Variants in F13B observed in about 807,000 individuals in gnomAD.
The protein encoded by F13B is TGase.
Under a neutral mutation model 79.8 loss-of-function variants are expected in F13B, and 58 were observed. The ratio of observed to expected loss-of-function variants is 0.73; its 90% confidence interval spans 0.59 to 0.90. The LOEUF (loss-of-function observed/expected upper bound fraction) is 0.90. Among genes scored for constraint, F13B ranks in the 40% least tolerant of loss-of-function variants. The pLI, the probability that F13B is intolerant of heterozygous loss-of-function variation, is 0.00. For missense variants in F13B, 773 were observed against 777.0 expected (o/e 0.99, Z 0.06); for synonymous variants, 283 against 260.3 (o/e 1.09, Z -0.84).
At chr1:197,057,761 C>T (rs1259128980) in intron 5 of F13B, among the ~76,000 whole-genome samples, 1 of 146,268 alleles carries the variant, frequency 6.8e-6, no homozygotes, top group Non-Finnish European at 1.5e-5. Context: ...CCAAGAGACT[C>T]TCTATCCTTG....
intron 5 of F13B, 146 bp downstream of exon 5, chr1:197,060,220 T>C (rs1176449594): frequency 7.4e-6 from 4 of 540,212 alleles, no homozygotes; most frequent in African/African-American, 1.9e-5. Flanking sequence ...TTGCTGAAAA[T>C]AGCACTGATT....
chr1:197,060,944 C>T lies in F13B; in HGVS notation c.583G>A (p.Val195Ile). 2 of 1,613,252 alleles carry T rather than the reference C, an allele frequency of 1.2e-6. No individual in the cohort carries two copies. The highest frequency in any genetic ancestry group is 1.7e-5 in the Admixed American group (1 of 59,968). The change falls in exon 4 of 12, where the codon GTA (valine) becomes ATA (isoleucine). Residue 195 changes from valine to isoleucine, a missense_variant. Transcript: ENST00000367412. The stretch of plus-strand genomic sequence containing the variant: ...GACCATCCGTATGTGAGACATTCTA[C>T]CTCCTCTGTCTTCTTTCCTCCAGCT... ...YTAGGKKTEE[V>I]ECLTYGWSLT... is the part of the protein sequence containing the mutation.
At position 197,061,826 on chromosome 1, in the gene F13B, A is replaced by G; in HGVS notation, c.409T>C (p.Ser137Pro). 6.2e-7 allele frequency: 1 copy of G among 1,613,442 alleles called. No homozygotes were observed. Among genetic ancestry groups the G allele is most frequent in the Non-Finnish European group, 8.5e-7 (1 of 1,179,616 alleles). ...GKDEEVVQCLSDGWSSQPTCR... is the reference protein window; with the variant it reads ...GKDEEVVQCLPDGWSSQPTCR... ...GTTGGTTGAGAAGACCATCCATCAG[A>G]GAGACATTGAACCACTTCTTCATCC... Residue 137 changes from serine to proline, a missense_variant, in exon 3 of 12, where the codon TCT becomes CCT. Coordinates refer to ENST00000367412, the MANE Select transcript of F13B (RefSeq NM_001994.3).
chr1:197,050,976 G>C lies in F13B; in HGVS notation c.1556-97C>G, dbSNP rs1436854128. On this transcript the variant is annotated intron_variant, in intron 9 of 11. Coordinates refer to ENST00000367412, the MANE Select transcript of F13B (RefSeq NM_001994.3). ...AGACAGAGTCTCCCTCTGTCACCCA[G>C]GCTGGAGTATGGTGGCATGATCATG... The C allele has an allele frequency of 2.9e-6, 3 of 1,044,724 alleles. No individual in the cohort carries two copies. The African/African-American group carries it at 4.7e-5, about 16-fold the overall frequency. 64.7% of individuals were successfully genotyped at this position (1,044,724 alleles called of 1,614,324 possible).
chr1:197,058,570 T>C (rs1655731133), intron 5 of F13B, among the ~76,000 whole-genome samples: 1 of 152,184 alleles, frequency 6.6e-6, no homozygotes, highest in African/African-American at 2.4e-5. Context: ...CATTTCAACC[T>C]GTGGCTTCCA....
chr1:197,061,774 A>T lies in F13B; in HGVS notation c.451+10T>A. On this transcript the variant is annotated intron_variant, in intron 3 of 11. Transcript: ENST00000367412. ...CACTTATCTTCAGTTTTAGGAAATG[A>T]TTCTTATACCATGTTCTTTCCTACA... 1 of 1,611,616 alleles carries T rather than the reference A, an allele frequency of 6.2e-7. No individual in the cohort carries two copies. Among genetic ancestry groups the T allele is most frequent in the Non-Finnish European group, 8.5e-7 (1 of 1,178,106 alleles).
rs543829153 is a variant in F13B, at chr1:197,057,821, G to A, written c.806-356C>T. On this transcript the variant is annotated intron_variant, in intron 5 of 11. Transcript: ENST00000367412. ...ACATCATGAGCTTCCAAAGCAGAAC[G>A]GCTGCAAGGCAAGGGGCAGAGGGCT... Among the ~76,000 whole-genome samples, 17 of 152,150 alleles carry A rather than the reference G, an allele frequency of 1.1e-4. 1 individual carries two copies. The South Asian group carries it at 2.7e-3, about 24-fold the overall frequency.
rs74321555 is a variant in F13B, at chr1:197,042,838, T to C, written c.1739-2103A>G. ...TGTCTAAAAAAAAAAAAAAATTCTA[T>C]GTGCCATTTTTTTCTCTTGAGGTGT... On this transcript the variant is annotated intron_variant, in intron 10 of 11. Coordinates refer to ENST00000367412, the MANE Select transcript of F13B (RefSeq NM_001994.3). Among the ~76,000 whole-genome samples, 157 of 149,058 alleles carry C rather than the reference T, an allele frequency of 1.1e-3. 2 individuals carry two copies. The East Asian group carries it at 0.029, about 28-fold the overall frequency.
In F13B at chr1:197,040,457, T is replaced by C. The variant is rs1654994590; in HGVS notation, c.1952+65A>G. On this transcript the variant is annotated intron_variant, in intron 11 of 11. Transcript: ENST00000367412. ...TATGAGTGGTATAGAACATAACATT[T>C]CTGAAATGTTGAATAACAATCTGAC... 7.9e-6 allele frequency: 9 copies of C among 1,134,418 alleles called. No homozygotes were observed. The South Asian group carries it at 1.1e-4, about 14-fold the overall frequency. The allele number at this position is 1,134,418 out of a possible 1,614,324, so 70.3% of individuals were successfully genotyped here. A position where few individuals can be genotyped will look rare whatever the true frequency, so the allele number is the denominator to read the frequency against.
At chr1:197,053,643 TCTTTAAACTA>T (rs1158272036) in intron 8 of F13B, among the ~76,000 whole-genome samples, 1 of 151,974 alleles carries the variant, frequency 6.6e-6, no homozygotes, top group Non-Finnish European at 1.5e-5. Context: ...ACAGTGGCCA[TCTTTAAACTA>T]CAGCATAAGA....
rs1655352129 is a variant in F13B at position 197,049,228 on chromosome 1, G to T, written c.1738+1469C>A. Among the ~76,000 whole-genome samples the T allele has an allele frequency of 2.6e-5, 4 of 151,746 alleles. No individual in the cohort carries two copies. In the South Asian group the frequency reaches 8.3e-4, roughly 32 times the overall value. On this transcript the variant is annotated intron_variant, in intron 10 of 11. Transcript: ENST00000367412. ...ACAAGCCAGAAAAAGAGTAACAAAA[G>T]AAATCCAAGAACATAGAAGAAAGGA...
rs200833921 is a variant in F13B at position 197,062,941 on chromosome 1, C to A, written c.181G>T (p.Ala61Ser). The A allele has an allele frequency of 6.2e-7, 1 of 1,613,830 alleles. No individual in the cohort carries two copies. The highest frequency in any genetic ancestry group is 1.3e-5 in the African/African-American group (1 of 75,034). The change falls in exon 2 of 12, where the codon GCT (alanine) becomes TCT (serine). Residue 61 changes from alanine to serine, a missense_variant. Transcript: ENST00000367412. The stretch of plus-strand genomic sequence containing the variant: ...CTTCCACTTTCAGTGGTATAACCAG[C>A]CAAGCAGAAAAATGACAATTTTTTG... Reference protein sequence around the residue: ...IDKKLSFFCLAGYTTESGRQE... With the variant: ...IDKKLSFFCLSGYTTESGRQE...
rs1174703835 is a variant in F13B at position 197,057,420 on chromosome 1, T to A, written c.851A>T (p.Lys284Ile). The change falls in exon 6 of 12, where the codon AAA becomes ATA. Residue 284 changes from lysine to isoleucine, a missense_variant. Lys to Ile is a moderately radical substitution (Grantham distance 102). Coordinates refer to ENST00000367412, the MANE Select transcript of F13B (RefSeq NM_001994.3). ...CPPPPLPINS[K>I]IQTHSTTYRH... ...ATAAGTTGTTGAATGTGTTTGAATT[T>A]TGGAGTTTATGGGCAGAGGTGGAGG... The A allele has an allele frequency of 6.2e-7, 1 of 1,613,928 alleles. No homozygotes were observed. Among genetic ancestry groups the A allele is most frequent in the African/African-American group, 1.3e-5 (1 of 75,040 alleles).
In F13B at chr1:197,057,110, A is replaced by G; in HGVS notation, c.1074T>C (p.Asp358=). 1 of 1,613,860 alleles carries G rather than the reference A, an allele frequency of 6.2e-7. No homozygotes were observed. ...NLHSKIYYNG[D]KVTYACKSGY... is the part of the protein sequence containing the mutation. ...CGCTTTTACATGCATATGTCACTTT[A>G]TCCCCATTGTAATAAATCTTAGAGT... Residue 358 remains aspartate (D), a synonymous_variant, in exon 7 of 12, where the codon GAT becomes GAC. Coordinates refer to ENST00000367412, the MANE Select transcript of F13B (RefSeq NM_001994.3).
At chr1:197,060,593 C>A in intron 4 of F13B, 51 bp from the exon 5 acceptor site, 2 of 1,345,560 alleles carry the variant, frequency 1.5e-6, no homozygotes, top group Non-Finnish European at 1.0e-6. Context: ...ATTTTTTCTG[C>A]TACAACAAAA....
At chr1:197,059,890 A>T (rs1243814280) in intron 5 of F13B, among the ~76,000 whole-genome samples, 1 of 152,126 alleles carries the variant, frequency 6.6e-6, no homozygotes, top group African/African-American at 2.4e-5. Flanking sequence ...ATTTTTGGGC[A>T]GCTTTTACAA....
rs1300956542 is a variant in F13B, at chr1:197,040,606, G to T, written c.1868C>A (p.Ala623Asp). Residue 623 changes from alanine (A) to aspartate (D), a missense_variant, in exon 11 of 12, where the codon GCT becomes GAT. Ala to Asp is a moderately radical substitution (Grantham distance 126). Coordinates refer to ENST00000367412, the MANE Select transcript of F13B (RefSeq NM_001994.3). ...TATAGATCCAGTAATATATAATTCA[G>T]CTGGATAAGTATCTCCTCTACAAAT... ...EFICRGDTYP[A>D]ELYITGSILR... The T allele has an allele frequency of 1.2e-6, 2 of 1,612,034 alleles. No homozygotes were observed. The highest frequency in any genetic ancestry group is 3.3e-5 in the Admixed American group (2 of 59,950).
At chr1:197,049,669 C>T (rs1317531994) in intron 10 of F13B, among the ~76,000 whole-genome samples, 1 of 152,022 alleles carries the variant, frequency 6.6e-6, no homozygotes. Context: ...TCCAGAGAAC[C>T]AGAAAAGACG....
intron 10 of F13B, among the ~76,000 whole-genome samples, chr1:197,044,292 CAACCTGT>C (rs1655147324): frequency 6.6e-6 from 1 of 152,048 alleles, no homozygotes; most frequent in African/African-American, 2.4e-5. Flanking sequence ...AGTCTGAGAT[CAACCTGT>C]GACACGACAG....
Sources: gnomAD v4.1 joint callset for allele counts (sites outside exome capture counted in the v4.1 genomes callset) on GRCh38, gnomAD v4.1.1 for gene constraint, MANE v1.5 for transcripts, NCBI Gene and HGNC (gene_info 2026-07-23, HGNC 2026-07-21) for gene names.